Variants in CNTNAP2 observed in about 807,000 individuals in gnomAD.
CNTNAP2 encodes contactin associated protein 2, also known as contactin-associated protein-like 2.
Under a neutral mutation model 155.2 loss-of-function variants are expected in CNTNAP2, and 98 were observed. The observed-to-expected ratio is 0.63, with a 90% CI of 0.54 to 0.75. The LOEUF (loss-of-function observed/expected upper bound fraction) is 0.75. Ranked by LOEUF, CNTNAP2 falls within the 30% of genes least tolerant of loss-of-function variation. CNTNAP2 has a pLI of 0.00. For missense variants in CNTNAP2, 1,727 were observed against 1,688.1 expected (o/e 1.02, Z -0.40); for synonymous variants, 651 against 631.2 (o/e 1.03, Z -0.47).
At chr7:147,472,204 C>CTTTTTTTTTTTTTTTTTTTTT (rs542047274) in intron 10 of CNTNAP2, among the ~76,000 whole-genome samples, 10 of 81,066 alleles carry the variant, frequency 1.2e-4, no homozygotes, top group African/African-American at 4.6e-4. Flanking sequence ...TCTTTTTTTC[C>CTTTTTTTTTTTTTTTTTTTTT]TTTTTTTTTT....
chr7:148,267,760 G>A (rs530981575), intron 21 of CNTNAP2, among the ~76,000 whole-genome samples: 4 of 152,020 alleles, frequency 2.6e-5, no homozygotes, highest in African/African-American at 4.8e-5. Context: ...TTTGGTGCGT[G>A]GCATAAACTA....
intron 21 of CNTNAP2, among the ~76,000 whole-genome samples, chr7:148,374,600 A>C (rs1233027068): frequency 6.6e-6 from 1 of 152,156 alleles, no homozygotes; most frequent in Non-Finnish European, 1.5e-5. Flanking sequence ...CTCCAAAGCC[A>C]AAAAAACATT....
intron 12 of CNTNAP2, among the ~76,000 whole-genome samples, chr7:147,619,525 A>G (rs1344999068): frequency 2.6e-5 from 4 of 152,186 alleles, no homozygotes; most frequent in African/African-American, 9.7e-5. Context: ...TTAAGGGAAT[A>G]TTGGAGATAG....
At chr7:147,422,993 G>A (rs1797320481) in intron 10 of CNTNAP2, among the ~76,000 whole-genome samples, 3 of 152,152 alleles carry the variant, frequency 2.0e-5, no homozygotes, top group African/African-American at 7.2e-5. Flanking sequence ...GAAATCAATT[G>A]TAGATAATGA....
At chr7:147,791,742 T>C (rs1478324707) in intron 13 of CNTNAP2, among the ~76,000 whole-genome samples, 1 of 152,156 alleles carries the variant, frequency 6.6e-6, no homozygotes, top group Non-Finnish European at 1.5e-5. Flanking sequence ...ATGCCCATTG[T>C]GGGTTTCCTC....
At chr7:147,082,575 G>A (rs577392136) in intron 4 of CNTNAP2, 9 of 152,150 alleles carry the variant, frequency 5.9e-5, no homozygotes, top group Non-Finnish European at 1.0e-4. Context: ...AGTCTCTGCC[G>A]TGCGATTTAC....
intron 1 of CNTNAP2, among the ~76,000 whole-genome samples, chr7:146,366,417 T>A (rs1210123683): frequency 6.6e-6 from 1 of 152,106 alleles, no homozygotes; most frequent in Non-Finnish European, 1.5e-5. Flanking sequence ...AAACCATTTA[T>A]CCGGACAAGG....
intron 12 of CNTNAP2, among the ~76,000 whole-genome samples, chr7:147,619,001 G>T (rs73744516): frequency 0.011 from 1,602 of 152,240 alleles, 29 homozygotes; most frequent in African/African-American, 0.037. Context: ...GACAGGAACA[G>T]GTCTCCAGAG....
intron 1 of CNTNAP2, among the ~76,000 whole-genome samples, chr7:146,618,940 G>C (rs1799272547): frequency 6.6e-6 from 1 of 151,778 alleles, no homozygotes; most frequent in Non-Finnish European, 1.5e-5. Context: ...CGTGGTGGTG[G>C]GGGCCTATAA....
chr7:147,526,581 C>G (rs1417574844), intron 11 of CNTNAP2, among the ~76,000 whole-genome samples: 1 of 152,114 alleles, frequency 6.6e-6, no homozygotes, highest in Non-Finnish European at 1.5e-5. Context: ...TTGACAAGGT[C>G]CTGATTTTAA....
rs1432157557 is a variant in CNTNAP2, at chr7:147,775,323, T to TTATA, written c.2099-128236_2099-128233dup. On this transcript the variant is annotated intron_variant, in intron 13 of 23. Coordinates refer to ENST00000361727, the MANE Select transcript of CNTNAP2 (RefSeq NM_014141.6). The stretch of plus-strand genomic sequence containing the variant: ...TATATATTTATAAATATATATATAT[T>TTATA]TATATATATTTATAAATATATATAT... Among the ~76,000 whole-genome samples, 115 of 29,768 alleles carry TTATA rather than the reference T, an allele frequency of 3.9e-3. 12 individuals are homozygous for TTATA. In the Admixed American group the frequency reaches 0.04, roughly 10 times the overall value. The allele number at this position is 29,768 out of a possible 152,430, so 19.5% of individuals were successfully genotyped here.
chr7:146,884,337 T>G (rs1382142553), intron 3 of CNTNAP2, among the ~76,000 whole-genome samples: 9 of 152,156 alleles, frequency 5.9e-5, no homozygotes, highest in African/African-American at 2.2e-4. Flanking sequence ...TGCATATTAT[T>G]TATTTGCAGG....
chr7:148,392,705 G>A (rs1445240200), intron 22 of CNTNAP2, among the ~76,000 whole-genome samples: 1 of 152,118 alleles, frequency 6.6e-6, no homozygotes, highest in Admixed American at 6.5e-5. Flanking sequence ...ACCAAGGCCA[G>A]GATTGTCAAG....
At position 148,319,910 on chromosome 7, in the gene CNTNAP2, T is replaced by C. The variant is rs115183882; in HGVS notation, c.3475+52784T>C. On this transcript the variant is annotated intron_variant, in intron 21 of 23. Transcript: ENST00000361727. ...GCATAATAAATGCAATGTGCTTGAA[T>C]CATCCCAAAACCATCCCCTACTCCC... 8.0e-3 allele frequency among the ~76,000 whole-genome samples: 1,211 copies of C among 152,050 alleles called. 12 individuals carry two copies. The highest frequency in any genetic ancestry group is 0.027 in the African/African-American group (1,137 of 41,406).
At chr7:147,874,474 G>A (rs1253200873) in intron 13 of CNTNAP2, among the ~76,000 whole-genome samples, 1 of 151,828 alleles carries the variant, frequency 6.6e-6, no homozygotes, top group Non-Finnish European at 1.5e-5. Context: ...GCTGTACTTT[G>A]GCTCCTTTTA....
chr7:147,472,111 A>C (rs1355028500), intron 10 of CNTNAP2, among the ~76,000 whole-genome samples: 1 of 152,082 alleles, frequency 6.6e-6, no homozygotes, highest in Non-Finnish European at 1.5e-5. Context: ...ATGAGGCAGC[A>C]GTGGAGAAGC....
chr7:147,143,985 T>G (rs187322503), intron 8 of CNTNAP2, among the ~76,000 whole-genome samples: 1 of 152,336 alleles, frequency 6.6e-6, no homozygotes, highest in East Asian at 1.9e-4. Flanking sequence ...GTTTTATTCT[T>G]TTCTTCAGGC....
chr7:146,184,484 G>A (rs1315890893), intron 1 of CNTNAP2, among the ~76,000 whole-genome samples: 1 of 152,016 alleles, frequency 6.6e-6, no homozygotes, highest in Non-Finnish European at 1.5e-5. Context: ...ATTACAGTAG[G>A]GATTAATTAA....
chr7:146,180,781 T>A (rs1798538582), intron 1 of CNTNAP2, among the ~76,000 whole-genome samples: 1 of 152,180 alleles, frequency 6.6e-6, no homozygotes, highest in Non-Finnish European at 1.5e-5. Context: ...GTCCTCACTT[T>A]ATGTATTAAA....
Sources: gnomAD v4.1 joint callset for allele counts (sites outside exome capture counted in the v4.1 genomes callset) on GRCh38, gnomAD v4.1.1 for gene constraint, MANE v1.5 for transcripts, NCBI Gene and HGNC (gene_info 2026-07-23, HGNC 2026-07-21) for gene names.